Variants in STOX2 observed in about 807,000 individuals in gnomAD.
STOX2 encodes the protein storkhead-box protein 2.
In STOX2, 28 loss-of-function variants were observed where a neutral mutation model predicts 60.9. The ratio of observed to expected loss-of-function variants is 0.46; its 90% CI spans 0.34 to 0.63. The LOEUF is 0.63. Ranked by LOEUF, STOX2 falls within the 30% of genes least tolerant of loss-of-function variation. The probability of loss-of-function intolerance (pLI) is 0.01; values close to 1 mark genes in which losing one functional copy is unlikely to be tolerated. For missense variants in STOX2, 1,024 were observed against 1,187.7 expected (o/e 0.86, Z 2.03); for synonymous variants, 472 against 463.9 (o/e 1.02, Z -0.22).
chr4:183,868,178 G>T (rs974626146), intron 1 of STOX2, among the ~76,000 whole-genome samples: 2 of 152,042 alleles, frequency 1.3e-5, no homozygotes, highest in Non-Finnish European at 2.9e-5. Context: ...CAGTTCAGTG[G>T]ATCATAGAAA....
chr4:183,809,423 G>A (rs1286019857), intron 1 of STOX2, among the ~76,000 whole-genome samples: 2 of 151,618 alleles, frequency 1.3e-5, no homozygotes, highest in Admixed American at 6.6e-5. Context: ...TTATTGAGAC[G>A]GAGTCTTGCT....
chr4:183,823,848 G>A (rs1172703794), intron 1 of STOX2, among the ~76,000 whole-genome samples: 1 of 152,116 alleles, frequency 6.6e-6, no homozygotes, highest in African/African-American at 2.4e-5. Flanking sequence ...ATCCTCTAGG[G>A]CGGGGATTTT....
intron 1 of STOX2, among the ~76,000 whole-genome samples, chr4:183,915,366 C>T (rs1560879948): frequency 1.3e-5 from 2 of 151,922 alleles, no homozygotes; most frequent in Admixed American, 6.5e-5. Context: ...GAAATTGTCT[C>T]GTTATTAGAG....
At chr4:183,842,271 G>A (rs552583389) in intron 1 of STOX2, among the ~76,000 whole-genome samples, 107 of 152,234 alleles carry the variant, frequency 7.0e-4, no homozygotes, top group Non-Finnish European at 1.1e-3. Flanking sequence ...AGTTCCATAC[G>A]ACGTGGCTAA....
At chr4:183,945,710 T>C (rs954242953) in intron 1 of STOX2, among the ~76,000 whole-genome samples, 14 of 152,204 alleles carry the variant, frequency 9.2e-5, no homozygotes, top group Non-Finnish European at 1.6e-4. Flanking sequence ...ACAGCAAAGT[T>C]GTTTCCCATC....
intron 1 of STOX2, among the ~76,000 whole-genome samples, chr4:183,828,963 A>G (rs950371284): frequency 6.6e-6 from 1 of 152,200 alleles, no homozygotes; most frequent in African/African-American, 2.4e-5. Context: ...AGGTAGATTT[A>G]AGTTGTAACA....
At chr4:183,860,347 A>T (rs1206322495) in intron 1 of STOX2, among the ~76,000 whole-genome samples, 21 of 151,728 alleles carry the variant, frequency 1.4e-4, no homozygotes, top group Admixed American at 1.4e-3. Context: ...CCAAAACCCC[A>T]ATCCAGGACT....
intron 1 of STOX2, among the ~76,000 whole-genome samples, chr4:183,870,714 A>G (rs1251052754): frequency 1.3e-5 from 2 of 152,230 alleles, no homozygotes; most frequent in African/African-American, 4.8e-5. Flanking sequence ...TTGTCTTTAT[A>G]TGGTCTTTCA....
chr4:184,013,469 A>G (rs1734241969), intron 3 of STOX2, among the ~76,000 whole-genome samples: 1 of 152,208 alleles, frequency 6.6e-6, no homozygotes, highest in African/African-American at 2.4e-5. Context: ...CAATAGCCGC[A>G]TGTCTCCCCA....
At chr4:183,823,197 A>T (rs921854042) in intron 1 of STOX2, among the ~76,000 whole-genome samples, 3 of 152,192 alleles carry the variant, frequency 2.0e-5, no homozygotes, top group Non-Finnish European at 4.4e-5. Flanking sequence ...GGAGTTCAAG[A>T]CCAGCCTGGC....
intron 1 of STOX2, among the ~76,000 whole-genome samples, chr4:183,860,442 C>CAAAAAAAAAAAAAAAA (rs35753992): frequency 3.9e-4 from 47 of 121,366 alleles, no homozygotes; most frequent in South Asian, 8.6e-4. Flanking sequence ...AAACAAAAAA[C>CAAAAAAAAAAAAAAAA]AAAAAAAAAA....
chr4:183,893,336 A>C (rs544120707), intron 1 of STOX2, among the ~76,000 whole-genome samples: 1 of 152,282 alleles, frequency 6.6e-6, no homozygotes, highest in Non-Finnish European at 1.5e-5. Flanking sequence ...TAGCCGACCT[A>C]ACAGCCTCGT....
intron 1 of STOX2, among the ~76,000 whole-genome samples, chr4:183,875,969 T>C (rs1010430476): frequency 2.0e-5 from 3 of 152,178 alleles, no homozygotes. Flanking sequence ...TGCCTCAGCC[T>C]CCCAAAATGC....
At chr4:183,890,929 G>T (rs1741193362) in intron 1 of STOX2, among the ~76,000 whole-genome samples, 1 of 152,088 alleles carries the variant, frequency 6.6e-6, no homozygotes, top group Non-Finnish European at 1.5e-5. Flanking sequence ...GTAACACAGG[G>T]AGACCCCATC....
chr4:183,800,392 A>G (rs1307198372), intron 1 of STOX2, among the ~76,000 whole-genome samples: 1 of 152,212 alleles, frequency 6.6e-6, no homozygotes, highest in Non-Finnish European at 1.5e-5. Context: ...GGAATAGCCT[A>G]GAATCGATCT....
At chr4:183,871,389 G>T (rs1740690433) in intron 1 of STOX2, among the ~76,000 whole-genome samples, 1 of 152,180 alleles carries the variant, frequency 6.6e-6, no homozygotes, top group African/African-American at 2.4e-5. Flanking sequence ...TGAAAAGCAG[G>T]TATCCTGATC....
In STOX2 at chr4:183,906,771, G is replaced by T; in HGVS notation, c.-20G>T. 1.3e-6 allele frequency: 2 copies of T among 1,507,738 alleles called. No homozygotes were observed. Among genetic ancestry groups the T allele is most frequent in the Non-Finnish European group, 1.8e-6 (2 of 1,122,158 alleles). The allele number at this position is 1,507,738 out of a possible 1,614,324, so 93.4% of individuals were successfully genotyped here. A position where few individuals can be genotyped will look rare whatever the true frequency, so the allele number is the denominator to read the frequency against. The stretch of plus-strand genomic sequence containing the variant: ...GCGCTGAGGCCCCGAGGATCGGGGC[G>T]GCAGGTCGCCCTCCCCACCATGAAG... On this transcript the variant is annotated 5_prime_UTR_variant, in exon 1 of 4. Coordinates refer to ENST00000308497, the MANE Select transcript of STOX2 (RefSeq NM_020225.3).
chr4:183,859,010 C>T (rs1049317301), intron 1 of STOX2, among the ~76,000 whole-genome samples: 2 of 152,166 alleles, frequency 1.3e-5, no homozygotes, highest in Non-Finnish European at 2.9e-5. Flanking sequence ...CCCTCTGCCA[C>T]CCGCCCCACA....
intron 1 of STOX2, among the ~76,000 whole-genome samples, chr4:183,971,723 C>T (rs562406545): frequency 3.9e-5 from 6 of 152,166 alleles, no homozygotes; most frequent in African/African-American, 1.2e-4. Context: ...TGGCAGCAGT[C>T]CTAAAATAAA....
Sources: gnomAD v4.1 joint callset for allele counts (sites outside exome capture counted in the v4.1 genomes callset) on GRCh38, gnomAD v4.1.1 for gene constraint, MANE v1.5 for transcripts, NCBI Gene and HGNC (gene_info 2026-07-23, HGNC 2026-07-21) for gene names.